The following CDKAL1 variants were observed in gnomAD, a reference collection of about 807,000 sequenced individuals.
The protein encoded by CDKAL1 is CDKAL1 threonylcarbamoyladenosine tRNA methylthiotransferase.
CDKAL1 carries 32 observed loss-of-function variants against 68.2 expected under a neutral mutation model. That is an observed-to-expected ratio of 0.47 (90% confidence interval 0.35 to 0.63). The LOEUF is 0.63. CDKAL1 is among the 30% of genes least tolerant of loss of function. The pLI, the probability that CDKAL1 is intolerant of heterozygous loss-of-function variation, is 0.00. For synonymous variants in CDKAL1, 234 were observed against 244.3 expected (o/e 0.96, Z 0.39); for missense variants, 606 against 696.7 (o/e 0.87, Z 1.47).
At chr6:20,697,833 A>T (rs1330034725) in intron 5 of CDKAL1, among the ~76,000 whole-genome samples, 1 of 152,210 alleles carries the variant, frequency 6.6e-6, no homozygotes, top group Non-Finnish European at 1.5e-5. Flanking sequence ...AAAGATGCCT[A>T]GTAATCATTG....
chr6:20,962,439 ATT>A (rs1765102291), intron 10 of CDKAL1, among the ~76,000 whole-genome samples: 1 of 152,160 alleles, frequency 6.6e-6, no homozygotes, highest in South Asian at 2.1e-4. Flanking sequence ...CTAATTCTGT[ATT>A]TAGTGAAATA....
chr6:20,537,266 A>G (rs932892589), intron 2 of CDKAL1, among the ~76,000 whole-genome samples: 9 of 151,888 alleles, frequency 5.9e-5, no homozygotes, highest in African/African-American at 2.2e-4. Context: ...CTTCAGTTCT[A>G]CTCTTGGAGA....
At chr6:21,111,878 C>T (rs1774135649) in intron 13 of CDKAL1, among the ~76,000 whole-genome samples, 3 of 152,148 alleles carry the variant, frequency 2.0e-5, no homozygotes, top group East Asian at 3.8e-4. Context: ...TAAAAGAGAA[C>T]ATTAGTAAAG....
chr6:20,701,672 T>C (rs530523597), intron 5 of CDKAL1, among the ~76,000 whole-genome samples: 1 of 152,258 alleles, frequency 6.6e-6, no homozygotes, highest in East Asian at 1.9e-4. Flanking sequence ...ATACCTCAAT[T>C]TTCCCCTTCA....
At chr6:21,021,302 C>T (rs1478638541) in intron 11 of CDKAL1, among the ~76,000 whole-genome samples, 2 of 152,032 alleles carry the variant, frequency 1.3e-5, no homozygotes, top group African/African-American at 4.8e-5. Context: ...TTAAGATGGG[C>T]TTAATACAGT....
At chr6:21,113,686 C>T (rs983797134) in intron 13 of CDKAL1, among the ~76,000 whole-genome samples, 3 of 151,496 alleles carry the variant, frequency 2.0e-5, no homozygotes, top group Non-Finnish European at 2.9e-5. Flanking sequence ...CCAGGCCGGT[C>T]TCGAACTCCT....
chr6:20,639,525 CT>C (rs1274457067), intron 4 of CDKAL1, among the ~76,000 whole-genome samples: 1 of 152,130 alleles, frequency 6.6e-6, no homozygotes, highest in Non-Finnish European at 1.5e-5. Flanking sequence ...AAGGAAAATA[CT>C]TTATCATGAA....
chr6:20,975,544 ACAT>A (rs1208959531), intron 10 of CDKAL1, among the ~76,000 whole-genome samples: 6 of 152,334 alleles, frequency 3.9e-5, no homozygotes, highest in African/African-American at 1.4e-4. Flanking sequence ...CTATTCAATA[ACAT>A]CAGGGCATTT....
At position 21,108,193 on chromosome 6, in the gene CDKAL1, G is replaced by A. The variant is rs192270426; in HGVS notation, c.1237-208G>A. Among the ~76,000 whole-genome samples, 59 of 151,480 alleles carry A rather than the reference G, an allele frequency of 3.9e-4. 1 individual carries two copies. The highest frequency in any genetic ancestry group is 1.4e-3 in the African/African-American group (57 of 41,248). ...TAGGAAGAGGTCACCTGGTTGCTCT[G>A]TGATAATGACCCACATAACCATAAA... On this transcript the variant is annotated intron_variant, in intron 12 of 15. Coordinates refer to ENST00000274695, the MANE Select transcript of CDKAL1 (RefSeq NM_017774.3).
intron 9 of CDKAL1, among the ~76,000 whole-genome samples, chr6:20,875,053 A>G (rs1486447144): frequency 1.3e-5 from 2 of 151,456 alleles, no homozygotes; most frequent in Non-Finnish European, 2.9e-5. Context: ...TAATCCCAGC[A>G]CTTTGGGAGG....
chr6:21,042,551 T>C (rs1769989886), intron 11 of CDKAL1, among the ~76,000 whole-genome samples: 1 of 152,146 alleles, frequency 6.6e-6, no homozygotes, highest in Non-Finnish European at 1.5e-5. Flanking sequence ...CACTTCCTTC[T>C]ACCACCACCT....
At position 20,551,266 on chromosome 6, in the gene CDKAL1, C is replaced by T. The variant is rs118126217; in HGVS notation, c.286+2561C>T. On this transcript the variant is annotated intron_variant, in intron 4 of 15. Coordinates refer to ENST00000274695, the MANE Select transcript of CDKAL1 (RefSeq NM_017774.3). ...GTTCTGTACCTCATGGCTGCCTTTG[C>T]ATGTGTAATTGGCAAGTCCTAGCTA... Among the ~76,000 whole-genome samples, 147 of 152,266 alleles carry T rather than the reference C, an allele frequency of 9.7e-4. 2 individuals are homozygous for T. In the East Asian group the frequency reaches 0.015, roughly 16 times the overall value.
intron 8 of CDKAL1, among the ~76,000 whole-genome samples, chr6:20,829,787 G>A (rs528440475): frequency 1.7e-4 from 26 of 152,084 alleles, no homozygotes; most frequent in African/African-American, 6.3e-4. Context: ...AACACTTTAG[G>A]TACTTGGATC....
At chr6:20,590,876 A>T (rs1423772947) in intron 4 of CDKAL1, among the ~76,000 whole-genome samples, 2 of 152,144 alleles carry the variant, frequency 1.3e-5, no homozygotes, top group Admixed American at 1.3e-4. Context: ...ATACCGAGTA[A>T]TGGGGTTGCT....
At position 20,604,787 on chromosome 6, in the gene CDKAL1, G is replaced by A. The variant is rs574781880; in HGVS notation, c.287-44506G>A. On this transcript the variant is annotated intron_variant, in intron 4 of 15. Coordinates refer to ENST00000274695, the MANE Select transcript of CDKAL1 (RefSeq NM_017774.3). ...AAGATGTAGTATACAATTTGAATCTGTGACCAATACATGTGCTGTCTCTTT... is the reference window on the plus strand; with the variant it reads ...AAGATGTAGTATACAATTTGAATCTATGACCAATACATGTGCTGTCTCTTT... Among the ~76,000 whole-genome samples the A allele has an allele frequency of 3.3e-5, 5 of 152,332 alleles. No individual in the cohort carries two copies. The South Asian group carries it at 1.0e-3, about 32-fold the overall frequency.
chr6:21,225,679 G>A (rs192873303), intron 15 of CDKAL1, among the ~76,000 whole-genome samples: 13 of 152,314 alleles, frequency 8.5e-5, no homozygotes, highest in African/African-American at 2.2e-4. Flanking sequence ...ATGGCTGTCT[G>A]AACCTGCGTT....
At chr6:20,902,969 G>A (rs1272970386) in intron 9 of CDKAL1, among the ~76,000 whole-genome samples, 11 of 152,082 alleles carry the variant, frequency 7.2e-5, no homozygotes, top group Non-Finnish European at 1.5e-4. Context: ...GGCTGTCACT[G>A]TATTCTATAG....
At chr6:20,733,878 G>A (rs1773066485) in intron 5 of CDKAL1, among the ~76,000 whole-genome samples, 1 of 152,086 alleles carries the variant, frequency 6.6e-6, no homozygotes, top group East Asian at 1.9e-4. Flanking sequence ...GCCGGGCATG[G>A]TGGCTCATGC....
chr6:20,609,579 A>G (rs1302233050), intron 4 of CDKAL1, among the ~76,000 whole-genome samples: 2 of 151,722 alleles, frequency 1.3e-5, no homozygotes, highest in Non-Finnish European at 2.9e-5. Context: ...TATTTTTAGT[A>G]GAGATGGGGT....
Sources: allele counts gnomAD v4.1 joint callset (sites outside exome capture counted in the v4.1 genomes callset), GRCh38; gene constraint gnomAD v4.1.1; transcripts MANE v1.5; gene names NCBI Gene and HGNC (gene_info 2026-07-23, HGNC 2026-07-21).